RGPD4: variants seen among roughly 807,000 people sequenced by gnomAD.
RGPD4 encodes ranBP2-like and GRIP domain-containing protein 4.
In RGPD4, 84 loss-of-function variants were observed where a neutral mutation model predicts 141.1. That is an observed-to-expected ratio of 0.60 (90% CI 0.50 to 0.71). The LOEUF (loss-of-function observed/expected upper bound fraction) is 0.71, where lower values mean the gene tolerates loss of function less well. Among genes scored for constraint, RGPD4 ranks in the 30% least tolerant of loss-of-function variants. RGPD4 has a pLI of 0.00. For synonymous variants in RGPD4, 298 were observed against 566.8 expected (o/e 0.53, Z 6.74); for missense variants, 918 against 1,622.4 (o/e 0.57, Z 7.46).
At chr2:107,856,122 C>T (rs1382527811) in intron 8 of RGPD4, among the ~76,000 whole-genome samples, 12 of 124,514 alleles carry the variant, frequency 9.6e-5, no homozygotes, top group African/African-American at 1.8e-4. Flanking sequence ...GGCGTGATCT[C>T]GGCTCACTGC....
intron 1 of RGPD4, among the ~76,000 whole-genome samples, chr2:107,833,932 G>A (rs530090864): frequency 4.6e-5 from 7 of 152,028 alleles, no homozygotes; most frequent in African/African-American, 1.2e-4. Flanking sequence ...GCTTGTACCC[G>A]GGACGCAGAG....
chr2:107,863,098 C>CT lies in RGPD4; in HGVS notation c.2469+73dup. On this transcript the variant is annotated intron_variant, in intron 17 of 22. Coordinates refer to ENST00000408999, the MANE Select transcript of RGPD4 (RefSeq NM_182588.3). Reference sequence around the variant, plus strand: ...GATTCCTTCCCTGGCCACTCTCTCACTTTTTTTCTGAAGCTGGTCAGAATG... The same window carrying CT: ...GATTCCTTCCCTGGCCACTCTCTCACTTTTTTTTCTGAAGCTGGTCAGAATG... The CT allele has an allele frequency of 1.8e-6, 2 of 1,119,674 alleles. 1 individual carries two copies. The highest frequency in any genetic ancestry group is 4.7e-5 in the African/African-American group (2 of 42,684). 69.4% of individuals were successfully genotyped at this position (1,119,674 alleles called of 1,614,324 possible).
rs539606004 is a variant in RGPD4 at position 107,883,490 on chromosome 2, C to T, written c.5266+617C>T. Among the ~76,000 whole-genome samples, 20 of 150,888 alleles carry T rather than the reference C, an allele frequency of 1.3e-4. 1 individual carries two copies. The highest frequency in any genetic ancestry group is 8.4e-4 in the South Asian group (4 of 4,744). On this transcript the variant is annotated intron_variant, in intron 22 of 22. Coordinates refer to ENST00000408999, the MANE Select transcript of RGPD4 (RefSeq NM_182588.3). ...ACTAAAAATACAAAAATTAGCTGGA[C>T]GTGGTGGCATGCGCCTGTAGTCCCA...
chr2:107,872,906 C>T lies in RGPD4; in HGVS notation c.4902C>T (p.Tyr1634=), dbSNP rs200040211. 0.064 allele frequency: 100,591 copies of T among 1,573,886 alleles called. 3,701 individuals carry two copies. Among genetic ancestry groups the T allele is most frequent in the Middle Eastern group, 0.15 (639 of 4,352 alleles). The change falls in exon 20 of 23, where the codon TAC becomes TAT. Residue 1634 remains tyrosine (Y), a synonymous_variant. Coordinates refer to ENST00000408999, the MANE Select transcript of RGPD4 (RefSeq NM_182588.3). ...CAATGGAAGAATCTTCAATCAACTA[C>T]ACATTTAAAACACCAGAAAAGGGTA... ...SFPMEESSIN[Y]TFKTPEKEPP...
chr2:107,890,743 T>G lies in RGPD4; in HGVS notation c.*12T>G, dbSNP rs1360290893. The stretch of plus-strand genomic sequence containing the variant: ...AAGGTGAGGAATAAAATGCTTCCCG[T>G]TCTTCTGGATGGGCATCCTATCTTC... On this transcript the variant is annotated 3_prime_UTR_variant, in exon 23 of 23. Coordinates refer to ENST00000408999, the MANE Select transcript of RGPD4 (RefSeq NM_182588.3). 6.2e-7 allele frequency: 1 copy of G among 1,604,702 alleles called. No homozygotes were observed. The highest frequency in any genetic ancestry group is 2.2e-5 in the East Asian group (1 of 44,802).
Position 107,882,821 on chromosome 2 carries a change from G to C in RGPD4, c.5214G>C (p.Thr1738=), listed in dbSNP as rs552179889. ...AGAGACTTCTTCCTGTTATAAATACGATGTTGCAGCTCAGCCCTGAAGAAA... is the reference window on the plus strand; with the variant it reads ...AGAGACTTCTTCCTGTTATAAATACCATGTTGCAGCTCAGCCCTGAAGAAA... The part of the protein sequence containing the change: ...ERERLLPVIN[T]MLQLSPEEKG... The change falls in exon 22 of 23, where the codon ACG becomes ACC. Residue 1738 remains threonine (T), a synonymous_variant. Coordinates refer to ENST00000408999, the MANE Select transcript of RGPD4 (RefSeq NM_182588.3). 3.7e-6 allele frequency: 6 copies of C among 1,610,728 alleles called. No homozygotes were observed. Among genetic ancestry groups the C allele is most frequent in the Non-Finnish European group, 5.1e-6 (6 of 1,179,720 alleles).
intron 9 of RGPD4, among the ~76,000 whole-genome samples, chr2:107,857,499 C>A (rs1178775860): frequency 1.3e-5 from 2 of 150,238 alleles, no homozygotes; most frequent in African/African-American, 5.0e-5. Context: ...GTGGCGTGAT[C>A]GTAGGTCACT....
rs1463919722 is a variant in RGPD4 at position 107,871,696 on chromosome 2, C to G, written c.3692C>G (p.Ala1231Gly). Residue 1231 changes from alanine (A) to glycine (G), a missense_variant, in exon 20 of 23, where the codon GCC (alanine) becomes GGC (glycine). Transcript: ENST00000408999. ...NKGSGTGAAG[A>G]SDTTIKPNPE... Reference sequence around the variant, plus strand: ...GGTTCAGGTACAGGTGCGGCCGGTGCCTCAGACACAACAATAAAACCCAAT... The same window carrying G: ...GGTTCAGGTACAGGTGCGGCCGGTGGCTCAGACACAACAATAAAACCCAAT... 1 of 1,609,790 alleles carries G rather than the reference C, an allele frequency of 6.2e-7. No individual in the cohort carries two copies. The highest frequency in any genetic ancestry group is 8.5e-7 in the Non-Finnish European group (1 of 1,179,672).
At chr2:107,827,618 G>T (rs865934374) in intron 1 of RGPD4, among the ~76,000 whole-genome samples, 2 of 35,654 alleles carry the variant, frequency 5.6e-5, no homozygotes, top group East Asian at 8.0e-4. Flanking sequence ...GGCCTCGATG[G>T]CTCAGGCGTC....
intron 21 of RGPD4, among the ~76,000 whole-genome samples, chr2:107,881,907 G>A (rs945510993): frequency 1.1e-4 from 17 of 151,622 alleles, no homozygotes; most frequent in East Asian, 3.9e-4. Context: ...ATTAAGTGCC[G>A]TTCACTGTGG....
intron 21 of RGPD4, among the ~76,000 whole-genome samples, chr2:107,881,140 C>G (rs1302835948): frequency 6.7e-6 from 1 of 149,208 alleles, no homozygotes; most frequent in Non-Finnish European, 1.5e-5. Context: ...CTATCCTTGT[C>G]AGATTATTTT....
rs940662873 is a variant in RGPD4, at chr2:107,879,373, C to T, written c.4925-595C>T. ...ACCTGGAGTAAGGGTCATTTGTATT[C>T]ATGGTCACTGACCACGTGGGGTAGA... is the stretch of plus-strand genomic sequence containing the variant. On this transcript the variant is annotated intron_variant, in intron 20 of 22. Transcript: ENST00000408999. Among the ~76,000 whole-genome samples the T allele has an allele frequency of 5.3e-4, 36 of 67,970 alleles. 3 individuals carry two copies. The highest frequency in any genetic ancestry group is 2.9e-3 in the African/African-American group (35 of 12,120). 44.6% of individuals were successfully genotyped at this position (67,970 alleles called of 152,430 possible).
chr2:107,828,548 G>C (rs867604557), intron 1 of RGPD4, among the ~76,000 whole-genome samples: 1 of 118,854 alleles, frequency 8.4e-6, no homozygotes, highest in Non-Finnish European at 1.8e-5. Context: ...CATGGCTCCC[G>C]ACGGGCGCTG....
intron 22 of RGPD4, among the ~76,000 whole-genome samples, chr2:107,885,848 T>C (rs1337017271): frequency 6.0e-5 from 9 of 148,796 alleles, no homozygotes; most frequent in Admixed American, 2.7e-4. Flanking sequence ...AGGTCAGGAG[T>C]TCAAGACCAG....
chr2:107,838,570 G>A (rs1315010509), intron 3 of RGPD4, among the ~76,000 whole-genome samples: 5 of 67,020 alleles, frequency 7.5e-5, no homozygotes, highest in African/African-American at 3.5e-4. Flanking sequence ...CAGAAATGGT[G>A]TTCTTTTGTG....
chr2:107,859,607 G>A lies in RGPD4; in HGVS notation c.1634+53G>A. 3 of 1,611,268 alleles carry A rather than the reference G, an allele frequency of 1.9e-6. No homozygotes were observed. The South Asian group carries it at 3.3e-5, about 18-fold the overall frequency. On this transcript the variant is annotated intron_variant, in intron 11 of 22. Transcript: ENST00000408999. ...TCACTTAGTGCGTAGGTTTTACCAGGGATTTAATCCTCATGTGAAGATTTA... is the reference window on the plus strand; with the variant it reads ...TCACTTAGTGCGTAGGTTTTACCAGAGATTTAATCCTCATGTGAAGATTTA...
At chr2:107,844,391 T>C (rs1337731970) in intron 6 of RGPD4, among the ~76,000 whole-genome samples, 1 of 152,230 alleles carries the variant, frequency 6.6e-6, no homozygotes, top group East Asian at 1.9e-4. Context: ...TGCCTCTGTT[T>C]ATGTATTGTC....
In RGPD4 at chr2:107,870,818, A is replaced by G; in HGVS notation, c.2814A>G (p.Glu938=). 1 of 1,606,948 alleles carries G rather than the reference A, an allele frequency of 6.2e-7. No homozygotes were observed. The highest frequency in any genetic ancestry group is 8.5e-7 in the Non-Finnish European group (1 of 1,176,438). Residue 938 remains glutamate (E), a synonymous_variant, in exon 20 of 23, where the codon GAA becomes GAG. Transcript: ENST00000408999. ...SEPGNQEKES[E]KPLENDTGFQ... ...CAGGAAATCAAGAAAAGGAAAGTGA[A>G]AAGCCTCTTGAAAATGATACTGGCT...
chr2:107,857,953 C>T (rs1682384820), intron 9 of RGPD4, among the ~76,000 whole-genome samples: 1 of 152,040 alleles, frequency 6.6e-6, no homozygotes, highest in Non-Finnish European at 1.5e-5. Flanking sequence ...GACACTGCTG[C>T]ACTACAGCCT....
Sources: gnomAD v4.1 joint callset for allele counts (sites outside exome capture counted in the v4.1 genomes callset) on GRCh38, gnomAD v4.1.1 for gene constraint, MANE v1.5 for transcripts, NCBI Gene and HGNC (gene_info 2026-07-23, HGNC 2026-07-21) for gene names.